The following NRG1 variants were observed in gnomAD, a reference collection of about 807,000 sequenced individuals.
NRG1 encodes neuregulin 1.
A neutral mutation model predicts 63.8 loss-of-function variants in NRG1; 18 were observed. The ratio of observed to expected loss-of-function variants is 0.28; its 90% confidence interval spans 0.19 to 0.42. The LOEUF is 0.42. Among genes scored for constraint, NRG1 ranks in the 10% least tolerant of loss-of-function variants. NRG1 has a pLI of 1.00. For missense variants in NRG1, 762 were observed against 814.7 expected (o/e 0.94, Z 0.79); for synonymous variants, 302 against 301.3 (o/e 1.00, Z -0.02).
chr8:31,947,728 G>C (rs547962773), intron 1 of NRG1, among the ~76,000 whole-genome samples: 59 of 152,110 alleles, frequency 3.9e-4, no homozygotes, highest in African/African-American at 1.3e-3. Flanking sequence ...TGGATCGTCT[G>C]AGCTCAAGAG....
At chr8:32,474,725 C>T (rs1331235535) in intron 1 of NRG1, among the ~76,000 whole-genome samples, 3 of 151,866 alleles carry the variant, frequency 2.0e-5, no homozygotes, top group African/African-American at 4.8e-5. Flanking sequence ...GGGATGGTCT[C>T]GAACTATTAA....
At chr8:32,356,925 A>G (rs1042580293) in intron 1 of NRG1, among the ~76,000 whole-genome samples, 2 of 152,238 alleles carry the variant, frequency 1.3e-5, no homozygotes, top group Non-Finnish European at 2.9e-5. Context: ...GAGGTCTTTA[A>G]ATTGCAAGGG....
intron 1 of NRG1, among the ~76,000 whole-genome samples, chr8:32,180,742 A>C (rs956539962): frequency 2.0e-5 from 3 of 152,140 alleles, no homozygotes; most frequent in Admixed American, 6.6e-5. Context: ...TAGCTCACAT[A>C]GTTATTTTTT....
At chr8:32,749,442 T>A (rs533506582) in intron 7 of NRG1, 1 of 1,011,614 alleles carries the variant, frequency 9.9e-7, no homozygotes, top group East Asian at 2.4e-5. Context: ...TCTGGTTCAA[T>A]GTGCATGCAC....
intron 1 of NRG1, among the ~76,000 whole-genome samples, chr8:32,412,763 G>A (rs1370419743): frequency 6.6e-6 from 1 of 151,806 alleles, no homozygotes; most frequent in Non-Finnish European, 1.5e-5. Flanking sequence ...AAGTATTTGT[G>A]TCTCTAAACA....
At chr8:31,934,036 T>G (rs1835081760) in intron 1 of NRG1, among the ~76,000 whole-genome samples, 1 of 152,182 alleles carries the variant, frequency 6.6e-6, no homozygotes, top group African/African-American at 2.4e-5. Context: ...GAACTATAGT[T>G]GCTGCAACCA....
chr8:32,227,470 A>AT (rs1296022025), intron 1 of NRG1, among the ~76,000 whole-genome samples: 1 of 152,144 alleles, frequency 6.6e-6, no homozygotes, highest in Non-Finnish European at 1.5e-5. Context: ...AAACTGTCCT[A>AT]TTTTTGGAAG....
At chr8:32,068,200 T>C (rs1186876642) in intron 1 of NRG1, among the ~76,000 whole-genome samples, 2 of 152,228 alleles carry the variant, frequency 1.3e-5, no homozygotes, top group Non-Finnish European at 2.9e-5. Flanking sequence ...TACAGTTTTA[T>C]CTTCTGTAAA....
At chr8:31,681,570 G>A (rs912049246) in intron 1 of NRG1, among the ~76,000 whole-genome samples, 4 of 151,874 alleles carry the variant, frequency 2.6e-5, no homozygotes, top group Non-Finnish European at 5.9e-5. Context: ...AAGGAAGTAG[G>A]TTGTTAGAAC....
intron 1 of NRG1, among the ~76,000 whole-genome samples, chr8:32,498,781 T>C (rs756729602): frequency 6.6e-6 from 1 of 152,192 alleles, no homozygotes; most frequent in Non-Finnish European, 1.5e-5. Context: ...CACTTTTTTC[T>C]TCCTGATGGT....
rs189282221 is a variant in NRG1 at position 32,746,313 on chromosome 8, A to T, written c.691+3580A>T. 6.2e-4 allele frequency among the ~76,000 whole-genome samples: 95 copies of T among 152,344 alleles called. 3 individuals carry two copies. The highest frequency in any genetic ancestry group is 8.8e-5 in the Non-Finnish European group (6 of 68,022). ...TTGGTCCTGTTTAGAATTGGCATTG[A>T]CAGAACTCCTTTCGAAATCTCAGCG... On this transcript the variant is annotated intron_variant, in intron 7 of 11. Transcript: ENST00000356819.
At chr8:32,121,463 T>A (rs537519489) in intron 1 of NRG1, among the ~76,000 whole-genome samples, 54 of 151,856 alleles carry the variant, frequency 3.6e-4, no homozygotes, top group Non-Finnish European at 6.6e-4. Flanking sequence ...AAACCTCAAT[T>A]TCCTGGTGTG....
At position 32,461,839 on chromosome 8, in the gene NRG1, T is replaced by C. The variant is rs116300234; in HGVS notation, c.38-133989T>C. ...TTACCTATTCTTCTAAACCACCAAATAGTTCGAATAGAATAGCCTTAGATA... is the reference window on the plus strand; with the variant it reads ...TTACCTATTCTTCTAAACCACCAAACAGTTCGAATAGAATAGCCTTAGATA... On this transcript the variant is annotated intron_variant, in intron 1 of 10. Coordinates refer to the NRG1 transcript ENST00000519301. Among the ~76,000 whole-genome samples, 629 of 152,296 alleles carry C rather than the reference T, an allele frequency of 4.1e-3. 2 individuals are homozygous for C. The highest frequency in any genetic ancestry group is 0.014 in the African/African-American group (595 of 41,558).
intron 1 of NRG1, among the ~76,000 whole-genome samples, chr8:32,155,002 C>T (rs1407343526): frequency 6.6e-6 from 1 of 152,118 alleles, no homozygotes; most frequent in Non-Finnish European, 1.5e-5. Context: ...ATCGACTTGC[C>T]AAAATTCACA....
At chr8:31,936,214 A>G (rs1205749437) in intron 1 of NRG1, among the ~76,000 whole-genome samples, 1 of 152,206 alleles carries the variant, frequency 6.6e-6, no homozygotes, top group African/African-American at 2.4e-5. Context: ...ACTTCTATTT[A>G]AGTATTAAGT....
At chr8:31,712,414 A>C (rs1811869003) in intron 1 of NRG1, among the ~76,000 whole-genome samples, 1 of 151,582 alleles carries the variant, frequency 6.6e-6, no homozygotes, top group Non-Finnish European at 1.5e-5. Flanking sequence ...GACTATAGGC[A>C]CGTGCCACCA....
chr8:32,710,961 T>G (rs541920124), intron 5 of NRG1, among the ~76,000 whole-genome samples: 1 of 152,174 alleles, frequency 6.6e-6, no homozygotes, highest in Non-Finnish European at 1.5e-5. Flanking sequence ...ATGCACAACC[T>G]AAAGGTAATA....
intron 1 of NRG1, among the ~76,000 whole-genome samples, chr8:31,717,834 C>A (rs1812513036): frequency 6.6e-6 from 1 of 152,030 alleles, no homozygotes; most frequent in Admixed American, 6.6e-5. Flanking sequence ...CTTTTCATGG[C>A]AATCTTTGAG....
Position 31,647,463 on chromosome 8 carries a change from G to A in NRG1, c.37+8032G>A, listed in dbSNP as rs536743948. Among the ~76,000 whole-genome samples, 18 of 152,286 alleles carry A rather than the reference G, an allele frequency of 1.2e-4. No individual in the cohort carries two copies. The South Asian group carries it at 2.1e-3, about 18-fold the overall frequency. The stretch of plus-strand genomic sequence containing the variant: ...GTGTTATCAGTGAAGCAGCAGATGT[G>A]GTGGCAGCATTTTCCTCCACTGCAG... On this transcript the variant is annotated intron_variant, in intron 1 of 10. Transcript: ENST00000519301.
Sources: gnomAD v4.1 joint callset for allele counts (sites outside exome capture counted in the v4.1 genomes callset) on GRCh38, gnomAD v4.1.1 for gene constraint, MANE v1.5 for transcripts, NCBI Gene and HGNC (gene_info 2026-07-23, HGNC 2026-07-21) for gene names.